The following PLXNC1 variants were observed in gnomAD, a reference collection of about 807,000 sequenced individuals.
PLXNC1 encodes the protein plexin-C1.
Under a neutral mutation model 178.2 loss-of-function variants are expected in PLXNC1, and 75 were observed. That is an observed-to-expected ratio of 0.42 (90% CI 0.35 to 0.51). PLXNC1 has a LOEUF of 0.51. Among genes scored for constraint, PLXNC1 ranks in the 20% least tolerant of loss-of-function variants. The probability of loss-of-function intolerance (pLI) is 0.02; values close to 1 mark genes in which losing one functional copy is unlikely to be tolerated. For missense variants in PLXNC1, 1,503 were observed against 1,984.4 expected (o/e 0.76, Z 4.61); for synonymous variants, 790 against 779.9 (o/e 1.01, Z -0.22).
chr12:94,161,944 A>G (rs912572661), intron 1 of PLXNC1, among the ~76,000 whole-genome samples: 3 of 152,216 alleles, frequency 2.0e-5, no homozygotes, highest in African/African-American at 7.2e-5. Context: ...TGACCCATGT[A>G]TTTATTTATC....
intron 1 of PLXNC1, among the ~76,000 whole-genome samples, chr12:94,151,990 TG>T (rs1960975781): frequency 6.6e-6 from 1 of 152,182 alleles, no homozygotes; most frequent in Non-Finnish European, 1.5e-5. Flanking sequence ...AATCTGGAAC[TG>T]GAAAAATAAA....
intron 5 of PLXNC1, among the ~76,000 whole-genome samples, chr12:94,213,047 A>G (rs571385598): frequency 4.9e-4 from 74 of 152,322 alleles, no homozygotes; most frequent in African/African-American, 1.7e-3. Context: ...AATCCAGTCT[A>G]TCATGGATGG....
At chr12:94,278,666 G>C (rs1320146536) in intron 21 of PLXNC1, among the ~76,000 whole-genome samples, 1 of 152,170 alleles carries the variant, frequency 6.6e-6, no homozygotes, top group Admixed American at 6.5e-5. Context: ...CGGAGGGGTA[G>C]ATGAATGTTC....
chr12:94,270,711 G>C (rs1965518913), intron 21 of PLXNC1, among the ~76,000 whole-genome samples: 1 of 151,408 alleles, frequency 6.6e-6, no homozygotes, highest in Non-Finnish European at 1.5e-5. Flanking sequence ...ATGCTAGCAA[G>C]TATAGAAAAA....
rs1969081377 is a variant in PLXNC1, at chr12:94,306,887, A to G, written c.*1602A>G. Reference sequence around the variant, plus strand: ...TTGTCTGTCCAACGGACACACCTCAAACAAACAAAACTACCAAATAGATGA... The same window carrying G: ...TTGTCTGTCCAACGGACACACCTCAGACAAACAAAACTACCAAATAGATGA... On this transcript the variant is annotated 3_prime_UTR_variant, in exon 31 of 31. Transcript: ENST00000258526. 1 of 151,296 alleles carries G rather than the reference A, an allele frequency of 6.6e-6. No individual in the cohort carries two copies. The highest frequency in any genetic ancestry group is 6.6e-5 in the Admixed American group (1 of 15,236). The allele number at this position is 151,296 out of a possible 1,614,324, so 9.4% of individuals were successfully genotyped here.
intron 24 of PLXNC1, 46 bp downstream of exon 24, chr12:94,294,586 T>TA (rs1259980972): frequency 1.2e-6 from 1 of 845,644 alleles, no homozygotes; most frequent in Non-Finnish European, 2.0e-6. Flanking sequence ...CCCAGCTTCA[T>TA]AAAGTATTGC....
intron 5 of PLXNC1, among the ~76,000 whole-genome samples, chr12:94,219,560 A>G (rs993457594): frequency 1.3e-5 from 2 of 152,232 alleles, no homozygotes; most frequent in African/African-American, 2.4e-5. Flanking sequence ...TTGATTACTC[A>G]AAAGCACATT....
At chr12:94,168,870 CT>C (rs768531436) in intron 1 of PLXNC1, among the ~76,000 whole-genome samples, 21 of 152,290 alleles carry the variant, frequency 1.4e-4, no homozygotes, top group Middle Eastern at 3.4e-3. Context: ...TGGAATTCAG[CT>C]TCTTATATCA....
At position 94,229,664 on chromosome 12, in the gene PLXNC1, C is replaced by G. The variant is rs541246497; in HGVS notation, c.1980+2429C>G. On this transcript the variant is annotated intron_variant, in intron 9 of 30. Transcript: ENST00000258526. ...TTTGTTGAAAAAAATGTCCTTTCCC[C>G]CATTGAATGGTCTTGGCACCCTCGT... 3.9e-5 allele frequency among the ~76,000 whole-genome samples: 6 copies of G among 152,246 alleles called. 1 individual carries two copies. In the South Asian group the frequency reaches 1.2e-3, roughly 32 times the overall value.
At chr12:94,156,727 A>G (rs1351798966) in intron 1 of PLXNC1, among the ~76,000 whole-genome samples, 1 of 126,440 alleles carries the variant, frequency 7.9e-6, no homozygotes, top group African/African-American at 3.1e-5. Context: ...TTTTTTTTTT[A>G]AACAGAGTCT....
At chr12:94,220,429 TG>T (rs1211705100) in intron 6 of PLXNC1, among the ~76,000 whole-genome samples, 5 of 152,190 alleles carry the variant, frequency 3.3e-5, no homozygotes, top group African/African-American at 1.2e-4. Flanking sequence ...CAGATAGCAC[TG>T]GGCCGACTAC....
At chr12:94,278,153 AAC>A (rs1385453056) in intron 21 of PLXNC1, 1 of 396,148 alleles carries the variant, frequency 2.5e-6, no homozygotes, top group Non-Finnish European at 5.1e-6. Flanking sequence ...AACCAAAAAA[AAC>A]AAAACAAAAT....
At position 94,251,511 on chromosome 12, in the gene PLXNC1, T is replaced by C; in HGVS notation, c.2864T>C (p.Leu955Pro). ...WYFLIVLPVLLVIVIFAAVGV... is the reference protein window; with the variant it reads ...WYFLIVLPVLPVIVIFAAVGV... The stretch of plus-strand genomic sequence containing the variant: ...TTTCTGATTGTGCTCCCTGTCTTGC[T>C]AGTGATTGTCATTTTTGGTAAGTGC... Residue 955 changes from leucine (L) to proline (P), a missense_variant, in exon 15 of 31, where the codon CTA becomes CCA. Around this residue, in one of 4 missense-constraint regions of PLXNC1, gnomAD observed 639 missense variants for 979.7 expected, o/e 0.65. Coordinates refer to ENST00000258526, the MANE Select transcript of PLXNC1 (RefSeq NM_005761.3). 6.2e-7 allele frequency: 1 copy of C among 1,607,570 alleles called. No individual in the cohort carries two copies. Among genetic ancestry groups the C allele is most frequent in the Non-Finnish European group, 8.5e-7 (1 of 1,173,956 alleles).
chr12:94,253,200 A>T (rs1964744431), intron 15 of PLXNC1, among the ~76,000 whole-genome samples: 1 of 109,570 alleles, frequency 9.1e-6, no homozygotes, highest in African/African-American at 3.4e-5. Context: ...ACAGAACAAG[A>T]CTCCGTCTCA....
At chr12:94,151,754 A>G (rs1034187060) in intron 1 of PLXNC1, among the ~76,000 whole-genome samples, 5 of 152,196 alleles carry the variant, frequency 3.3e-5, no homozygotes, top group African/African-American at 1.2e-4. Context: ...TGTGGAGCCA[A>G]AACATTTCTC....
chr12:94,242,822 C>G (rs1232858544), intron 11 of PLXNC1, among the ~76,000 whole-genome samples: 2 of 152,286 alleles, frequency 1.3e-5, no homozygotes, highest in South Asian at 2.1e-4. Flanking sequence ...TGGCTTGTCC[C>G]TTTTGCAAAT....
intron 4 of PLXNC1, among the ~76,000 whole-genome samples, chr12:94,191,779 A>AG (rs372008913): frequency 1.3e-5 from 2 of 151,658 alleles, no homozygotes; most frequent in East Asian, 3.9e-4. Flanking sequence ...CAAAAAAAAA[A>AG]AGGGAATAGG....
chr12:94,300,228 G>C (rs1968332774), intron 27 of PLXNC1, among the ~76,000 whole-genome samples: 1 of 152,206 alleles, frequency 6.6e-6, no homozygotes, highest in Non-Finnish European at 1.5e-5. Context: ...GATGAGTGCA[G>C]TGGAGAAAGT....
Position 94,201,341 on chromosome 12 carries a change from T to A in PLXNC1, c.1440-8249T>A, listed in dbSNP as rs151313064. Among the ~76,000 whole-genome samples, 249 of 152,378 alleles carry A rather than the reference T, an allele frequency of 1.6e-3. 1 individual carries two copies. The highest frequency in any genetic ancestry group is 5.6e-3 in the African/African-American group (234 of 41,586). ...AATGCCAAAGGGCATCTGGTCAACC[T>A]CATTGCCCAAATCCCTTTCTCATCA... On this transcript the variant is annotated intron_variant, in intron 4 of 30. Coordinates refer to ENST00000258526, the MANE Select transcript of PLXNC1 (RefSeq NM_005761.3).
Sources: gnomAD v4.1 joint callset for allele counts (sites outside exome capture counted in the v4.1 genomes callset) on GRCh38, gnomAD v4.1.1 for gene constraint, gnomAD v4.1.1 regional missense constraint, MANE v1.5 for transcripts, NCBI Gene and HGNC (gene_info 2026-07-23, HGNC 2026-07-21) for gene names.